CEMIP: variants seen among roughly 807,000 people sequenced by gnomAD.
CEMIP encodes the protein cell migration inducing hyaluronidase 1.
In CEMIP, 105 loss-of-function variants were observed where a neutral mutation model predicts 156.9. The observed-to-expected ratio is 0.67, with a 90% confidence interval of 0.57 to 0.79. CEMIP has a LOEUF of 0.79. Ranked by LOEUF, CEMIP falls within the 30% of genes least tolerant of loss-of-function variation. The pLI, the probability that CEMIP is intolerant of heterozygous loss-of-function variation, is 0.00. For synonymous variants in CEMIP, 676 were observed against 668.4 expected, an observed-to-expected ratio of 1.01 and a Z score of -0.17; for missense variants, 1,457 against 1,769.4, an observed-to-expected ratio of 0.82 and a Z score of 3.17.
At position 80,942,937 on chromosome 15, in the gene CEMIP, C is replaced by T; in HGVS notation, c.3700-8C>T. The T allele has an allele frequency of 2.5e-6, 4 of 1,614,202 alleles. No individual in the cohort carries two copies. The South Asian group carries it at 3.3e-5, about 13-fold the overall frequency. On this transcript the variant is annotated splice_polypyrimidine_tract_variant and splice_region_variant and intron_variant, in intron 27 of 29. Coordinates refer to ENST00000394685, the MANE Select transcript of CEMIP (RefSeq NM_001293298.2). ...CTGCCTCACACCTGGATTGCTCTGGCTCTGTAGGTGGATGGGAAGAAGTAC... is the reference window on the plus strand; with the variant it reads ...CTGCCTCACACCTGGATTGCTCTGGTTCTGTAGGTGGATGGGAAGAAGTAC...
At chr15:80,900,726 C>T (rs1899493609) in intron 12 of CEMIP, 1 of 324,978 alleles carries the variant, frequency 3.1e-6, no homozygotes, top group African/African-American at 2.2e-5. Context: ...GGCTCACATT[C>T]CTCCTATTCA....
rs57724852 is a variant in CEMIP, at chr15:80,900,585, G to GGTGTGTGTGTGTGTGTGTGTGT, written c.1411+4568_1411+4589dup. The stretch of plus-strand genomic sequence containing the variant: ...CAGCACCAGAAAAGCCCCAGGTAGG[G>GGTGTGTGTGTGTGTGTGTGTGT]GTGTGTGTGTGTGTGTGTGTGTGTG... On this transcript the variant is annotated intron_variant, in intron 12 of 29. Transcript: ENST00000394685. 5.3e-4 allele frequency among the ~76,000 whole-genome samples: 40 copies of GGTGTGTGTGTGTGTGTGTGTGT among 74,952 alleles called. 2 individuals are homozygous for GGTGTGTGTGTGTGTGTGTGTGT. Among genetic ancestry groups the GGTGTGTGTGTGTGTGTGTGTGT allele is most frequent in the East Asian group, 1.6e-3 (3 of 1,862 alleles). The allele number at this position is 74,952 out of a possible 152,430, so 49.2% of individuals were successfully genotyped here.
At chr15:80,781,628 G>T (rs578011722) in intron 1 of CEMIP, among the ~76,000 whole-genome samples, 1 of 150,852 alleles carries the variant, frequency 6.6e-6, no homozygotes, top group African/African-American at 2.5e-5. Flanking sequence ...GACAAAGGCC[G>T]ACGGAGAGTA....
intron 28 of CEMIP, chr15:80,946,687 AGAGACATGT>A: frequency 2.2e-6 from 1 of 458,736 alleles, no homozygotes; most frequent in Non-Finnish European, 4.1e-6. Context: ...CTGTTTGGAG[AGAGACATGT>A]AAACGCGGTG....
At chr15:80,921,174 C>A (rs550371972) in intron 16 of CEMIP, 73 bp downstream of exon 16, 4 of 1,339,432 alleles carry the variant, frequency 3.0e-6, no homozygotes, top group Non-Finnish European at 3.2e-6. Context: ...CCGAGGCTTA[C>A]CTTGAAACAT....
In CEMIP at chr15:80,929,253, G is replaced by A. The variant is rs1162457105; in HGVS notation, c.2612+79G>A. On this transcript the variant is annotated intron_variant, in intron 21 of 29. Coordinates refer to ENST00000394685, the MANE Select transcript of CEMIP (RefSeq NM_001293298.2). ...GTGATGGAAGGGAAAAAGTTAATGG[G>A]TAGTTTCTACCTGTTGACTATGAAT... The A allele has an allele frequency of 3.3e-6, 5 of 1,536,632 alleles. No homozygotes were observed. In the African/African-American group the frequency reaches 4.1e-5, roughly 13 times the overall value.
At chr15:80,893,777 C>A (rs1305689580) in intron 10 of CEMIP, among the ~76,000 whole-genome samples, 1 of 151,770 alleles carries the variant, frequency 6.6e-6, no homozygotes, top group Non-Finnish European at 1.5e-5. Flanking sequence ...GCTCTTCTTC[C>A]AAGCCAAAGA....
chr15:80,884,646 G>A (rs1483801831), intron 7 of CEMIP, among the ~76,000 whole-genome samples: 2 of 152,244 alleles, frequency 1.3e-5, no homozygotes, highest in African/African-American at 2.4e-5. Context: ...AGCATCTACT[G>A]TGTGTAAGAG....
chr15:80,900,662 C>CTGTGTGTG (rs1188670554), intron 12 of CEMIP, among the ~76,000 whole-genome samples: 1 of 90,688 alleles, frequency 1.1e-5, no homozygotes, highest in East Asian at 3.2e-4. Context: ...GTGTGTGTGT[C>CTGTGTGTG]TGTGTGTGTG....
intron 13 of CEMIP, among the ~76,000 whole-genome samples, chr15:80,908,006 T>A (rs1251467987): frequency 6.6e-6 from 1 of 152,216 alleles, no homozygotes; most frequent in Non-Finnish European, 1.5e-5. Context: ...TGACTCTTTG[T>A]CACATAGGCC....
chr15:80,928,342 G>A (rs1217770693), intron 19 of CEMIP, among the ~76,000 whole-genome samples: 1 of 152,162 alleles, frequency 6.6e-6, no homozygotes, highest in Non-Finnish European at 1.5e-5. Flanking sequence ...AAAGGGAGCT[G>A]ACGAGATGGC....
At chr15:80,849,406 C>G (rs999849804) in intron 1 of CEMIP, among the ~76,000 whole-genome samples, 2 of 152,210 alleles carry the variant, frequency 1.3e-5, no homozygotes, top group Admixed American at 1.3e-4. Context: ...GAACTTCCAG[C>G]CAGCTGGGAA....
intron 28 of CEMIP, among the ~76,000 whole-genome samples, chr15:80,946,094 T>C (rs1448530261): frequency 1.3e-5 from 2 of 152,138 alleles, no homozygotes; most frequent in Non-Finnish European, 2.9e-5. Context: ...CAGAGAGAGG[T>C]GACGTGAACG....
intron 1 of CEMIP, among the ~76,000 whole-genome samples, chr15:80,791,447 A>G (rs781216410): frequency 1.5e-4 from 23 of 152,304 alleles, no homozygotes; most frequent in Admixed American, 2.6e-4. Context: ...TCCGAAGTGA[A>G]TTGTTGGTAC....
chr15:80,889,004 G>A (rs957504506), intron 9 of CEMIP, among the ~76,000 whole-genome samples: 5 of 152,224 alleles, frequency 3.3e-5, no homozygotes, highest in African/African-American at 9.6e-5. Flanking sequence ...CTCTGGCTAA[G>A]ATTTCAATTT....
intron 1 of CEMIP, among the ~76,000 whole-genome samples, chr15:80,848,837 C>T (rs935208721): frequency 1.2e-4 from 18 of 151,008 alleles, no homozygotes; most frequent in Non-Finnish European, 2.2e-4. Context: ...CTTTTCTGCA[C>T]TCCCAGAACT....
At chr15:80,813,794 T>C (rs1896724928) in intron 1 of CEMIP, among the ~76,000 whole-genome samples, 1 of 152,222 alleles carries the variant, frequency 6.6e-6, no homozygotes, top group African/African-American at 2.4e-5. Flanking sequence ...CTTTTCAAAA[T>C]GATTTTGATG....
chr15:80,808,766 G>A (rs1322935880), intron 1 of CEMIP, among the ~76,000 whole-genome samples: 5 of 139,720 alleles, frequency 3.6e-5, no homozygotes, highest in Admixed American at 7.6e-5. Flanking sequence ...AGGTTCAAGC[G>A]AAATAACATA....
intron 12 of CEMIP, among the ~76,000 whole-genome samples, chr15:80,902,532 A>C (rs1342807950): frequency 6.6e-6 from 1 of 152,198 alleles, no homozygotes; most frequent in African/African-American, 2.4e-5. Context: ...AGCAGGACAG[A>C]TAAGGTGGCT....
Sources: allele counts gnomAD v4.1 joint callset (sites outside exome capture counted in the v4.1 genomes callset), GRCh38; gene constraint gnomAD v4.1.1; transcripts MANE v1.5; gene names NCBI Gene and HGNC (gene_info 2026-07-23, HGNC 2026-07-21).